ATMIN: variants seen among roughly 807,000 people sequenced by gnomAD.
ATMIN encodes the protein ATM interactor.
ATMIN carries 24 observed loss-of-function variants against 49.2 expected under a neutral mutation model. That is an observed-to-expected ratio of 0.49 (90% CI 0.35 to 0.69). The LOEUF (loss-of-function observed/expected upper bound fraction) is 0.69, where lower values mean the gene tolerates loss of function less well. ATMIN is among the 30% of genes least tolerant of loss of function. ATMIN has a pLI of 0.00. For missense variants in ATMIN, 1,037 were observed against 1,005.5 expected (o/e 1.03, Z -0.42); for synonymous variants, 450 against 392.5 (o/e 1.15, Z -1.73).
At chr16:81,037,929 C>T (rs1008056930) in intron 1 of ATMIN, among the ~76,000 whole-genome samples, 4 of 151,608 alleles carry the variant, frequency 2.6e-5, no homozygotes, top group Non-Finnish European at 4.4e-5. Context: ...TGTGAGCCAC[C>T]GCGACCGACC....
At chr16:81,039,780 A>G (rs1026515846) in intron 1 of ATMIN, among the ~76,000 whole-genome samples, 2 of 152,090 alleles carry the variant, frequency 1.3e-5, no homozygotes, top group African/African-American at 4.8e-5. Context: ...GGCTTAGAGG[A>G]TTTTGTGTTA....
Position 81,036,062 on chromosome 16 carries a change from G to T in ATMIN, c.192G>T (p.Pro64=). The T allele has an allele frequency of 7.8e-7, 1 of 1,285,618 alleles. No individual in the cohort carries two copies. Among genetic ancestry groups the T allele is most frequent in the Non-Finnish European group, 9.9e-7 (1 of 1,006,570 alleles). 79.6% of individuals were successfully genotyped at this position (1,285,618 alleles called of 1,614,324 possible). Residue 64 remains proline, a synonymous_variant, in exon 1 of 4, where the codon CCG becomes CCT. Transcript: ENST00000299575. ...AGCAGCCCGCTGTCCCCGCGCCGCC[G>T]GCGGGGGAGCTGATCCAGCCGTCGG... The part of the protein sequence containing the change: ...ATQQPAVPAP[P]AGELIQPSVS...
Position 81,044,473 on chromosome 16 carries a change from A to G in ATMIN, c.1975A>G (p.Met659Val). 1 of 1,614,058 alleles carries G rather than the reference A, an allele frequency of 6.2e-7. No homozygotes were observed. Among genetic ancestry groups the G allele is most frequent in the Non-Finnish European group, 8.5e-7 (1 of 1,180,010 alleles). Residue 659 changes from methionine (M) to valine (V), a missense_variant, in exon 4 of 4, where the codon ATG becomes GTG. Transcript: ENST00000299575. ...TQTEESELST[M>V]TTEPVLESLD... ...AACTGAAGAGAGTGAACTTAGCACC[A>G]TGACCACCGAGCCAGTCTTGGAGTC...
chr16:81,041,300 C>T, intron 1 of ATMIN, 56 bp from the exon 2 acceptor site: 1 of 1,549,186 alleles, frequency 6.5e-7, no homozygotes, highest in Non-Finnish European at 8.7e-7. Flanking sequence ...GTTTCCACTC[C>T]AGCCTGTTGT....
In ATMIN at chr16:81,044,632, T is replaced by G. The variant is rs774370815; in HGVS notation, c.2134T>G (p.Leu712Val). 7 of 1,614,102 alleles carry G rather than the reference T, an allele frequency of 4.3e-6. No homozygotes were observed. The African/African-American group carries it at 9.3e-5, about 22-fold the overall frequency. The change falls in exon 4 of 4, where the codon TTA (leucine) becomes GTA (valine). Residue 712 changes from leucine to valine, a missense_variant. Physicochemically the swap from Leu to Val is conservative, Grantham distance 32. Transcript: ENST00000299575. ...TQTQTDLNFF[L>V]DSSPHLPLGS... is the part of the protein sequence containing the mutation. ...GACACAGACAGACTTAAACTTTTTC[T>G]TAGACAGTAGCCCTCATCTGCCTCT...
chr16:81,042,489 A>G lies in ATMIN; in HGVS notation c.662+9A>G, dbSNP rs1357568772. 8.7e-6 allele frequency: 14 copies of G among 1,612,898 alleles called. No homozygotes were observed. The highest frequency in any genetic ancestry group is 1.7e-5 in the Admixed American group (1 of 59,924). On this transcript the variant is annotated intron_variant, in intron 3 of 3. Coordinates refer to ENST00000299575, the MANE Select transcript of ATMIN (RefSeq NM_015251.3). ...ATACCTGCAGAACACAGGTGAAGGG[A>G]AAGAAATGATGGCACAGAAGTCAGT...
Position 81,046,826 on chromosome 16 carries a change from A to AGAAGT in ATMIN, c.*1858_*1862dup, listed in dbSNP as rs1971130265. On this transcript the variant is annotated 3_prime_UTR_variant, in exon 4 of 4. Transcript: ENST00000299575. ...TCCTATCCCATACATTTGACACAAA[A>AGAAGT]GAAGTGTTGGTAATGGATAAATAAC... 6.5e-6 allele frequency: 1 copy of AGAAGT among 152,682 alleles called. No individual in the cohort carries two copies. Among genetic ancestry groups the AGAAGT allele is most frequent in the African/African-American group, 2.4e-5 (1 of 41,474 alleles). The allele number at this position is 152,682 out of a possible 1,614,324, so 9.5% of individuals were successfully genotyped here.
rs191638157 is a variant in ATMIN, at chr16:81,038,182, G to A, written c.336+1976G>A. 4.0e-5 allele frequency among the ~76,000 whole-genome samples: 6 copies of A among 150,412 alleles called. No individual in the cohort carries two copies. The East Asian group carries it at 7.8e-4, about 20-fold the overall frequency. ...GTCTCACTCTGTCGCCCAGGCTGGA[G>A]TGCAGTGGCGCCATCTTGGATCACT... On this transcript the variant is annotated intron_variant, in intron 1 of 3. Transcript: ENST00000299575.
At chr16:81,038,213 C>T (rs1167859978) in intron 1 of ATMIN, among the ~76,000 whole-genome samples, 1 of 151,948 alleles carries the variant, frequency 6.6e-6, no homozygotes, top group Non-Finnish European at 1.5e-5. Flanking sequence ...TCACTGCAAC[C>T]TCTGCCTCCC....
At position 81,045,711 on chromosome 16, in the gene ATMIN, C is replaced by G. The variant is rs528822368; in HGVS notation, c.*741C>G. On this transcript the variant is annotated 3_prime_UTR_variant, in exon 4 of 4. Coordinates refer to ENST00000299575, the MANE Select transcript of ATMIN (RefSeq NM_015251.3). ...AGCAGCAGCGGGCCAGGTGTGGTGG[C>G]TTACCCCTGTAATCCCAGCACTTTG... 6.6e-6 allele frequency: 1 copy of G among 152,282 alleles called. No individual in the cohort carries two copies. Among genetic ancestry groups the G allele is most frequent in the Non-Finnish European group, 1.5e-5 (1 of 68,148 alleles). 9.4% of individuals were successfully genotyped at this position (152,282 alleles called of 1,614,324 possible). A position where few individuals can be genotyped will look rare whatever the true frequency, so the allele number is the denominator to read the frequency against.
Position 81,044,485 on chromosome 16 carries a change from C to G in ATMIN, c.1987C>G (p.Pro663Ala). Residue 663 changes from proline to alanine, a missense_variant, in exon 4 of 4, where the codon CCA (proline) becomes GCA (alanine). Coordinates refer to ENST00000299575, the MANE Select transcript of ATMIN (RefSeq NM_015251.3). ...ESELSTMTTE[P>A]VLESLDIETQ... ...TGAACTTAGCACCATGACCACCGAG[C>G]CAGTCTTGGAGTCACTGGACATAGA... 1 of 1,614,054 alleles carries G rather than the reference C, an allele frequency of 6.2e-7. No homozygotes were observed. Among genetic ancestry groups the G allele is most frequent in the Non-Finnish European group, 8.5e-7 (1 of 1,180,016 alleles).
At position 81,045,077 on chromosome 16, in the gene ATMIN, C is replaced by G; in HGVS notation, c.*107C>G. On this transcript the variant is annotated 3_prime_UTR_variant, in exon 4 of 4. Coordinates refer to ENST00000299575, the MANE Select transcript of ATMIN (RefSeq NM_015251.3). ...ATTCGATTGAATGTGGCTGATGATG[C>G]AGTTGCTTAGCTTCTTTGTGTTTCT... is the stretch of plus-strand genomic sequence containing the variant. 1 of 1,406,982 alleles carries G rather than the reference C, an allele frequency of 7.1e-7. No homozygotes were observed. The highest frequency in any genetic ancestry group is 1.5e-5 in the South Asian group (1 of 68,924). 87.2% of individuals were successfully genotyped at this position (1,406,982 alleles called of 1,614,324 possible).
chr16:81,036,257 A>T lies in ATMIN; in HGVS notation c.336+51A>T. On this transcript the variant is annotated intron_variant, in intron 1 of 3. Transcript: ENST00000299575. ...GGGGGGCCGGGCCTGGCTCCAACAAAGCGCCCGGCGCCGGCGCGCGAAGCC... is the reference window on the plus strand; with the variant it reads ...GGGGGGCCGGGCCTGGCTCCAACAATGCGCCCGGCGCCGGCGCGCGAAGCC... 1.7e-6 allele frequency: 2 copies of T among 1,185,270 alleles called. 1 individual carries two copies. The highest frequency in any genetic ancestry group is 5.2e-5 in the South Asian group (2 of 38,416). 73.4% of individuals were successfully genotyped at this position (1,185,270 alleles called of 1,614,324 possible). A position where few individuals can be genotyped will look rare whatever the true frequency, so the allele number is the denominator to read the frequency against.
At chr16:81,038,132 T>G (rs1346934280) in intron 1 of ATMIN, among the ~76,000 whole-genome samples, 2 of 150,592 alleles carry the variant, frequency 1.3e-5, no homozygotes, top group African/African-American at 2.4e-5. Context: ...TTATGTTGGG[T>G]TTTTTTTGTT....
intron 1 of ATMIN, 40 bp from the exon 2 acceptor site, chr16:81,041,316 T>A: frequency 6.3e-7 from 1 of 1,578,544 alleles, no homozygotes; most frequent in South Asian, 1.2e-5. Context: ...GTTGTGTTGT[T>A]TTTTTGAAAT....
chr16:81,043,411 A>C lies in ATMIN; in HGVS notation c.913A>C (p.Lys305Gln). ...ACCAAAGCCCAAAGTGGCTTTGGTT[A>C]AACTACCCGTGATGCAGTTTTCTGT... is the stretch of plus-strand genomic sequence containing the variant. The part of the protein sequence containing the change: ...LLPKPKVALV[K>Q]LPVMQFSVMP... Residue 305 changes from lysine (K) to glutamine (Q), a missense_variant, in exon 4 of 4, where the codon AAA becomes CAA. Physicochemically the swap from Lys to Gln is moderately conservative, Grantham distance 53 (BLOSUM62 1). Coordinates refer to ENST00000299575, the MANE Select transcript of ATMIN (RefSeq NM_015251.3). 5.6e-6 allele frequency: 9 copies of C among 1,613,390 alleles called. No homozygotes were observed. Among genetic ancestry groups the C allele is most frequent in the Non-Finnish European group, 7.6e-6 (9 of 1,179,932 alleles).
chr16:81,040,574 T>C (rs778538068), intron 1 of ATMIN: 1 of 152,164 alleles, frequency 6.6e-6, no homozygotes, highest in Non-Finnish European at 1.5e-5. Context: ...CAACAGAAGA[T>C]ACAAATAAAT....
At chr16:81,036,403 G>C (rs12935418) in intron 1 of ATMIN, among the ~76,000 whole-genome samples, 197 bp downstream of exon 1, 25,215 of 151,926 alleles carry the variant, frequency 0.17, 2,318 homozygotes, top group East Asian at 0.26. Flanking sequence ...CGGCCTCTGG[G>C]GGGGAGGAGG....
At position 81,035,881 on chromosome 16, in the gene ATMIN, C is replaced by G; in HGVS notation, c.11C>G (p.Ser4Trp). 3 of 958,080 alleles carry G rather than the reference C, an allele frequency of 3.1e-6. No homozygotes were observed. Among genetic ancestry groups the G allele is most frequent in the Non-Finnish European group, 3.7e-6 (3 of 807,812 alleles). 59.3% of individuals were successfully genotyped at this position (958,080 alleles called of 1,614,324 possible). Residue 4 changes from serine (S) to tryptophan (W), a missense_variant, in exon 1 of 4, where the codon TCG (serine) becomes TGG (tryptophan). Physicochemically the swap from Ser to Trp is radical, Grantham distance 177 (BLOSUM62 -3). Transcript: ENST00000299575. MAA[S>W]EAAAAAGSAA... ...GGCCGTGCGGGAGCCATGGCGGCCT[C>G]GGAGGCGGCGGCGGCGGCGGGGTCC...
Sources: gnomAD v4.1 joint callset for allele counts (sites outside exome capture counted in the v4.1 genomes callset) on GRCh38, gnomAD v4.1.1 for gene constraint, MANE v1.5 for transcripts, NCBI Gene and HGNC (gene_info 2026-07-23, HGNC 2026-07-21) for gene names.